Variants in KLF12 observed in about 807,000 individuals in gnomAD.
The protein encoded by KLF12 is KLF transcription factor 12, also known as Krueppel-like factor 12.
Under a neutral mutation model 37.8 loss-of-function variants are expected in KLF12, and 9 were observed. The observed-to-expected ratio is 0.24, with a 90% confidence interval of 0.14 to 0.42. The LOEUF (loss-of-function observed/expected upper bound fraction) is 0.42, where lower values mean the gene tolerates loss of function less well. Ranked by LOEUF, KLF12 falls within the 10% of genes least tolerant of loss-of-function variation. The probability of loss-of-function intolerance (pLI) is 1.00; values close to 1 mark genes in which losing one functional copy is unlikely to be tolerated. For missense variants in KLF12, 411 were observed against 516.0 expected, an observed-to-expected ratio of 0.80 and a Z score of 1.97; for synonymous variants, 208 against 202.1, an observed-to-expected ratio of 1.03 and a Z score of -0.25.
At chr13:73,763,434 TAAATA>T (rs1002013816) in intron 6 of KLF12, among the ~76,000 whole-genome samples, 2 of 152,158 alleles carry the variant, frequency 1.3e-5, no homozygotes, top group African/African-American at 2.4e-5. Context: ...TGTTGCTGAA[TAAATA>T]AAAGTTGAAT....
At chr13:74,302,241 T>C in the KLF12 span, among the ~76,000 whole-genome samples, 1 of 152,160 alleles carries the variant, frequency 6.6e-6, no homozygotes. Context: ...TATATAGTCA[T>C]ATGTGATGAT....
chr13:73,863,436 A>G (rs915986809), intron 3 of KLF12, among the ~76,000 whole-genome samples: 1 of 152,240 alleles, frequency 6.6e-6, no homozygotes, highest in African/African-American at 2.4e-5. Context: ...ATTTACTTAC[A>G]ACAGTGCTAA....
At chr13:74,178,889 C>T in the KLF12 span, among the ~76,000 whole-genome samples, 1 of 152,190 alleles carries the variant, frequency 6.6e-6, no homozygotes, top group Non-Finnish European at 1.5e-5. Flanking sequence ...GCCTCACCCC[C>T]AGTTTTACTA....
At chr13:73,798,215 A>G (rs892067784) in intron 5 of KLF12, among the ~76,000 whole-genome samples, 12 of 152,198 alleles carry the variant, frequency 7.9e-5, no homozygotes, top group African/African-American at 2.9e-4. Flanking sequence ...CTGGCCAGCC[A>G]TATGTAGAAG....
chr13:74,042,369 A>G (rs1893428380), intron 1 of KLF12, among the ~76,000 whole-genome samples: 1 of 152,136 alleles, frequency 6.6e-6, no homozygotes, highest in African/African-American at 2.4e-5. Context: ...CTGAATAGAT[A>G]AGGTCACACG....
At chr13:73,792,839 CT>C (rs1211201727) in intron 5 of KLF12, among the ~76,000 whole-genome samples, 1 of 152,152 alleles carries the variant, frequency 6.6e-6, no homozygotes, top group Non-Finnish European at 1.5e-5. Flanking sequence ...ATTATAAACA[CT>C]AAAAATTAGA....
chr13:74,301,873 G>A, the KLF12 span, among the ~76,000 whole-genome samples: 4 of 152,178 alleles, frequency 2.6e-5, no homozygotes, highest in East Asian at 7.7e-4. Context: ...TGAGCTGCCC[G>A]TGTTAAATGA....
chr13:74,260,996 T>G, the KLF12 span, among the ~76,000 whole-genome samples: 124 of 151,742 alleles, frequency 8.2e-4, no homozygotes, highest in African/African-American at 2.8e-3. Context: ...GAGGCAAGAG[T>G]GTGAGGGGGG....
chr13:73,830,093 G>A (rs1884071540), intron 4 of KLF12, among the ~76,000 whole-genome samples: 2 of 152,138 alleles, frequency 1.3e-5, no homozygotes, highest in African/African-American at 4.8e-5. Flanking sequence ...TAGTTGCAAG[G>A]TGGATAATGA....
chr13:74,152,532 T>C, the KLF12 span, among the ~76,000 whole-genome samples: 1 of 152,182 alleles, frequency 6.6e-6, no homozygotes, highest in South Asian at 2.1e-4. Flanking sequence ...TTTAAATGCT[T>C]GCTTTTAAAT....
In KLF12 at chr13:73,813,156, G is replaced by C; in HGVS notation, c.802C>G (p.Gln268Glu). 1 of 1,613,752 alleles carries C rather than the reference G, an allele frequency of 6.2e-7. No individual in the cohort carries two copies. Among genetic ancestry groups the C allele is most frequent in the Non-Finnish European group, 8.5e-7 (1 of 1,179,852 alleles). ...TCCTGTGAATGTGATACTTACTCTT[G>C]TACTGCTCTGGCTATGGAAAGGGCC... The change falls in exon 5 of 8, where the codon CAA (glutamine) becomes GAA (glutamate). Residue 268 changes from glutamine to glutamate, a missense_variant. Around this residue, in one of 2 missense-constraint regions of KLF12, gnomAD observed 351 missense variants for 397.8 expected, o/e 0.88. Coordinates refer to ENST00000377669, the MANE Select transcript of KLF12 (RefSeq NM_007249.5).
intron 1 of KLF12, among the ~76,000 whole-genome samples, chr13:74,023,041 T>C (rs564366565): frequency 2.6e-5 from 4 of 152,304 alleles, no homozygotes; most frequent in Admixed American, 1.3e-4. Context: ...GGCTAGTTCT[T>C]ACTCTTCCCT....
chr13:74,281,276 T>C, the KLF12 span, among the ~76,000 whole-genome samples: 1 of 152,164 alleles, frequency 6.6e-6, no homozygotes, highest in African/African-American at 2.4e-5. Flanking sequence ...TGGCCTTCCC[T>C]GCTGGGATGA....
the KLF12 span, among the ~76,000 whole-genome samples, chr13:74,262,386 T>C: frequency 6.6e-6 from 1 of 152,220 alleles, no homozygotes. Flanking sequence ...TTGTAAATTT[T>C]AAATGCTAAG....
chr13:73,792,851 A>G (rs1307438889), intron 5 of KLF12, among the ~76,000 whole-genome samples: 1 of 152,244 alleles, frequency 6.6e-6, no homozygotes, highest in Non-Finnish European at 1.5e-5. Flanking sequence ...AAAAATTAGA[A>G]CCAAAATGAT....
At chr13:73,792,535 C>G (rs1467993783) in intron 5 of KLF12, among the ~76,000 whole-genome samples, 1 of 152,016 alleles carries the variant, frequency 6.6e-6, no homozygotes, top group Admixed American at 6.5e-5. Context: ...CTAGAATAAT[C>G]TAGATTATCA....
chr13:74,204,628 T>C, the KLF12 span, among the ~76,000 whole-genome samples: 1 of 152,150 alleles, frequency 6.6e-6, no homozygotes, highest in Non-Finnish European at 1.5e-5. Context: ...TTTTGAGAGA[T>C]ACATAGAATG....
chr13:73,974,609 C>A (rs931020098), intron 2 of KLF12, among the ~76,000 whole-genome samples: 2 of 152,032 alleles, frequency 1.3e-5, no homozygotes, highest in Admixed American at 1.3e-4. Context: ...TTAACAGAGA[C>A]GCTATGGCAA....
chr13:74,237,823 C>A, the KLF12 span, among the ~76,000 whole-genome samples: 1 of 152,258 alleles, frequency 6.6e-6, no homozygotes, highest in Admixed American at 6.5e-5. Context: ...TGCTTATCAG[C>A]TTAAGGAGAT....
Sources: allele counts gnomAD v4.1 joint callset (sites outside exome capture counted in the v4.1 genomes callset), GRCh38; gene constraint gnomAD v4.1.1; regional missense constraint gnomAD v4.1.1; transcripts MANE v1.5; gene names NCBI Gene and HGNC (gene_info 2026-07-23, HGNC 2026-07-21).